TRPC6: variants seen among roughly 807,000 people sequenced by gnomAD.
The protein encoded by TRPC6 is short transient receptor potential channel 6.
Under a neutral mutation model 90.7 loss-of-function variants are expected in TRPC6, and 55 were observed. The ratio of observed to expected loss-of-function variants is 0.61; its 90% confidence interval spans 0.49 to 0.76. The LOEUF is 0.76. Among genes scored for constraint, TRPC6 ranks in the 30% least tolerant of loss-of-function variants. The pLI is 0.00. For synonymous variants in TRPC6, 393 were observed against 393.0 expected (o/e 1.00, Z 0.00); for missense variants, 989 against 1,122.7 (o/e 0.88, Z 1.70).
chr11:101,543,348 C>A (rs1297357299), intron 1 of TRPC6, among the ~76,000 whole-genome samples: 1 of 151,996 alleles, frequency 6.6e-6, no homozygotes, highest in Non-Finnish European at 1.5e-5. Context: ...CAATCCCACT[C>A]CAAGACAAAT....
chr11:101,583,021 G>A (rs1862233959), intron 1 of TRPC6, among the ~76,000 whole-genome samples: 1 of 152,188 alleles, frequency 6.6e-6, no homozygotes, highest in Admixed American at 6.5e-5. Flanking sequence ...GCAGGATGAA[G>A]GGGTCTGGAG....
chr11:101,524,543 A>G, intron 1 of TRPC6, among the ~76,000 whole-genome samples: 1 of 152,266 alleles, frequency 6.6e-6, no homozygotes, highest in East Asian at 1.9e-4. Context: ...TGCCCGGCCC[A>G]GGCCATTTTT....
intron 1 of TRPC6, among the ~76,000 whole-genome samples, chr11:101,546,014 T>TA (rs940626406): frequency 2.3e-5 from 3 of 132,630 alleles, no homozygotes; most frequent in African/African-American, 5.5e-5. Flanking sequence ...TCACAGGAAA[T>TA]AAAAAAATAA....
chr11:101,545,141 T>G (rs902217811), intron 1 of TRPC6, among the ~76,000 whole-genome samples: 1 of 152,070 alleles, frequency 6.6e-6, no homozygotes, highest in Non-Finnish European at 1.5e-5. Flanking sequence ...TCATATACAG[T>G]CAGCCCTATG....
intron 1 of TRPC6, 60 bp downstream of exon 1, chr11:101,583,274 A>AGCGCACAACCTCCCTCC: frequency 6.6e-7 from 1 of 1,526,252 alleles, no homozygotes; most frequent in Non-Finnish European, 8.8e-7. Context: ...CACTCCTGCG[A>AGCGCACAACCTCCCTCC]GCGCACAACC....
chr11:101,466,772 C>A (rs547940853), intron 10 of TRPC6, among the ~76,000 whole-genome samples: 43 of 151,940 alleles, frequency 2.8e-4, no homozygotes, highest in African/African-American at 6.3e-4. Flanking sequence ...AACAAACAAA[C>A]AAAAAAAACT....
chr11:101,471,525 A>T, intron 8 of TRPC6, 139 bp from the exon 9 acceptor site: 1 of 898,022 alleles, frequency 1.1e-6, no homozygotes, highest in East Asian at 2.6e-5. Context: ...GATTTTTTCA[A>T]AATGTTAACA....
At chr11:101,533,659 G>C (rs544171437) in intron 1 of TRPC6, among the ~76,000 whole-genome samples, 1 of 152,270 alleles carries the variant, frequency 6.6e-6, no homozygotes, top group African/African-American at 2.4e-5. Flanking sequence ...CTGGGATCTT[G>C]GTGTCACTCC....
chr11:101,475,897 CATAT>C (rs1859404262), intron 6 of TRPC6, among the ~76,000 whole-genome samples: 1 of 150,306 alleles, frequency 6.7e-6, no homozygotes, highest in Non-Finnish European at 1.5e-5. Context: ...CACGTGTGTG[CATAT>C]ATACACACAC....
chr11:101,481,254 G>A (rs543303993), intron 5 of TRPC6, among the ~76,000 whole-genome samples: 1 of 152,168 alleles, frequency 6.6e-6, no homozygotes, highest in African/African-American at 2.4e-5. Context: ...TGGGGGGAGG[G>A]AATGGAGAAG....
At chr11:101,539,164 T>A (rs891277573) in intron 1 of TRPC6, among the ~76,000 whole-genome samples, 5 of 152,244 alleles carry the variant, frequency 3.3e-5, no homozygotes, top group Admixed American at 3.3e-4. Context: ...ATCATCTTTA[T>A]CACGCTCAAT....
At position 101,472,161 on chromosome 11, in the gene TRPC6, G is replaced by A. The variant is rs1220200421; in HGVS notation, c.2181C>T (p.Ile727=). 1 of 1,611,500 alleles carries A rather than the reference G, an allele frequency of 6.2e-7. No homozygotes were observed. The highest frequency in any genetic ancestry group is 1.1e-5 in the South Asian group (1 of 90,942). The change falls in exon 8 of 13, where the codon ATC becomes ATT. Residue 727 remains isoleucine, a synonymous_variant. Transcript: ENST00000344327. ...IVLLNMLIAM[I]NSSFQEIEDD... Reference sequence around the variant, plus strand: ...CCTCAATTTCCTGGAATGAACTGTTGATCATGGCAATTAACATATTTAGCA... The same window carrying A: ...CCTCAATTTCCTGGAATGAACTGTTAATCATGGCAATTAACATATTTAGCA...
intron 1 of TRPC6, among the ~76,000 whole-genome samples, chr11:101,573,341 A>T (rs1393625605): frequency 1.3e-5 from 2 of 152,192 alleles, no homozygotes; most frequent in Non-Finnish European, 2.9e-5. Context: ...AAGCAAATAA[A>T]CAAAACAGTC....
chr11:101,564,247 T>G (rs2136871436), intron 1 of TRPC6, among the ~76,000 whole-genome samples: 1 of 152,330 alleles, frequency 6.6e-6, no homozygotes, highest in East Asian at 1.9e-4. Flanking sequence ...TTATGTGAAC[T>G]GTATATTTAT....
At chr11:101,567,529 A>G (rs534849105) in intron 1 of TRPC6, among the ~76,000 whole-genome samples, 9 of 152,308 alleles carry the variant, frequency 5.9e-5, no homozygotes, top group Admixed American at 3.3e-4. Flanking sequence ...GGGACAGACT[A>G]TCTCCGCAAG....
intron 10 of TRPC6, among the ~76,000 whole-genome samples, chr11:101,467,014 G>A (rs1565446689): frequency 2.6e-5 from 4 of 152,138 alleles, no homozygotes; most frequent in African/African-American, 9.7e-5. Context: ...CCCTGCTTCA[G>A]CTCGCCTTCT....
chr11:101,550,536 C>G (rs2136840235), intron 1 of TRPC6, among the ~76,000 whole-genome samples: 1 of 151,714 alleles, frequency 6.6e-6, no homozygotes, highest in East Asian at 1.9e-4. Flanking sequence ...TTAAAACACA[C>G]AGTAGTGTTT....
chr11:101,505,923 T>A (rs1464187688), intron 1 of TRPC6, among the ~76,000 whole-genome samples: 1 of 148,814 alleles, frequency 6.7e-6, no homozygotes, highest in Admixed American at 6.8e-5. Flanking sequence ...TGAGGTAGAG[T>A]ATCAATTGAA....
At chr11:101,573,130 G>A (rs917574711) in intron 1 of TRPC6, among the ~76,000 whole-genome samples, 23 of 147,440 alleles carry the variant, frequency 1.6e-4, no homozygotes, top group African/African-American at 4.9e-4. Flanking sequence ...ACAGTATGAC[G>A]TCCATAGAGG....
Sources: allele counts gnomAD v4.1 joint callset (sites outside exome capture counted in the v4.1 genomes callset), GRCh38; gene constraint gnomAD v4.1.1; transcripts MANE v1.5; gene names NCBI Gene and HGNC (gene_info 2026-07-23, HGNC 2026-07-21).